TACC2: variants seen among roughly 807,000 people sequenced by gnomAD.
TACC2 encodes transforming acidic coiled-coil containing protein 2.
In TACC2, 137 loss-of-function variants were observed where a neutral mutation model predicts 227.3. That is an observed-to-expected ratio of 0.60 (90% CI 0.52 to 0.69). The LOEUF is 0.69. Ranked by LOEUF, TACC2 falls within the 30% of genes least tolerant of loss-of-function variation. The pLI is 0.00. For synonymous variants in TACC2, 1,523 were observed against 1,487.5 expected (o/e 1.02, Z -0.55); for missense variants, 3,470 against 3,694.4 (o/e 0.94, Z 1.57).
intron 3 of TACC2, among the ~76,000 whole-genome samples, chr10:122,058,832 C>G (rs2076472210): frequency 6.6e-6 from 1 of 151,700 alleles, no homozygotes; most frequent in Admixed American, 6.6e-5. Context: ...ACATTAAACA[C>G]TGGGACATCT....
At chr10:122,156,505 T>C (rs2092488535) in intron 7 of TACC2, among the ~76,000 whole-genome samples, 1 of 152,204 alleles carries the variant, frequency 6.6e-6, no homozygotes, top group Non-Finnish European at 1.5e-5. Flanking sequence ...ATTACAGGCA[T>C]GAGCCACCAT....
intron 2 of TACC2, among the ~76,000 whole-genome samples, chr10:122,047,497 A>C (rs1249823264): frequency 6.6e-6 from 1 of 152,082 alleles, no homozygotes; most frequent in African/African-American, 2.4e-5. Context: ...CAGGGAGGTC[A>C]AGCCAACCCC....
chr10:122,123,000 C>T (rs192754908), intron 5 of TACC2, among the ~76,000 whole-genome samples: 67 of 152,210 alleles, frequency 4.4e-4, no homozygotes, highest in African/African-American at 1.5e-3. Flanking sequence ...AGAGGTTGGC[C>T]TCTCTGGTTT....
Position 122,084,398 on chromosome 10 carries a change from C to T in TACC2, c.1898C>T (p.Ala633Val). The change falls in exon 4 of 23, where the codon GCA (alanine) becomes GTA (valine). Residue 633 changes from alanine (A) to valine (V), a missense_variant. Physicochemically the swap from Ala to Val is moderately conservative, Grantham distance 64 (BLOSUM62 0). Coordinates refer to ENST00000369005, the MANE Select transcript of TACC2 (RefSeq NM_206862.4). ...ESRDHPSSHS[A>V]QPPRKGGAGH... ...AGAGACCATCCCAGCTCACACTCAG[C>T]ACAGCCACCCAGAAAGGGGGGTGCT... 1 of 1,613,146 alleles carries T rather than the reference C, an allele frequency of 6.2e-7. No individual in the cohort carries two copies. Among genetic ancestry groups the T allele is most frequent in the Non-Finnish European group, 8.5e-7 (1 of 1,180,022 alleles).
Position 122,205,897 on chromosome 10 carries a change from A to G in TACC2, c.5972-4500A>G, listed in dbSNP as rs2095088494. 6.6e-6 allele frequency among the ~76,000 whole-genome samples: 1 copy of G among 152,132 alleles called. No individual in the cohort carries two copies. Among genetic ancestry groups the G allele is most frequent in the South Asian group, 2.1e-4 (1 of 4,824 alleles). ...TCTCGTTAGCCTACTTAAAATGGAC[A>G]CCTTTTCCCAGAATAAATATTACTA... On this transcript the variant is annotated intron_variant, in intron 8 of 22. Transcript: ENST00000369005. The surrounding 1 kb of genome is among the most constrained non-coding windows in gnomAD (Gnocchi z 4.5).
intron 1 of TACC2, among the ~76,000 whole-genome samples, chr10:122,002,515 C>A (rs1035211550): frequency 6.6e-6 from 1 of 152,040 alleles, no homozygotes; most frequent in Non-Finnish European, 1.5e-5. Flanking sequence ...TGTTCTTCTG[C>A]CTTTAAAATG....
intron 7 of TACC2, among the ~76,000 whole-genome samples, chr10:122,144,697 C>T (rs962752749): frequency 1.3e-5 from 2 of 152,104 alleles, no homozygotes; most frequent in Non-Finnish European, 2.9e-5. Context: ...TCTAGAATAC[C>T]GGGTAACAGT....
intron 5 of TACC2, among the ~76,000 whole-genome samples, chr10:122,131,882 C>A (rs1394515644): frequency 1.3e-5 from 2 of 151,810 alleles, no homozygotes; most frequent in Non-Finnish European, 2.9e-5. Flanking sequence ...ATTAGCCAGG[C>A]GTGGTGGTGG....
chr10:122,179,623 A>AC (rs11376408), intron 7 of TACC2, among the ~76,000 whole-genome samples: 1,984 of 151,994 alleles, frequency 0.013, 45 homozygotes, highest in African/African-American at 0.045. Context: ...TGCTGTTGTT[A>AC]CAGCTGTCAG....
chr10:122,171,948 T>C (rs1046924948), intron 7 of TACC2, among the ~76,000 whole-genome samples: 10 of 152,190 alleles, frequency 6.6e-5, no homozygotes, highest in South Asian at 2.1e-4. Flanking sequence ...TAGAGGTCAG[T>C]TCCAAGGAAG....
chr10:122,052,833 A>T (rs2075853473), intron 3 of TACC2: 1 of 152,240 alleles, frequency 6.6e-6, no homozygotes, highest in South Asian at 2.1e-4. Context: ...TCTATCGAGA[A>T]GGAACAGGCC....
chr10:122,086,664 A>C lies in TACC2; in HGVS notation c.4164A>C (p.Thr1388=). 6.2e-7 allele frequency: 1 copy of C among 1,611,802 alleles called. No homozygotes were observed. The highest frequency in any genetic ancestry group is 8.5e-7 in the Non-Finnish European group (1 of 1,178,876). The change falls in exon 4 of 23, where the codon ACA becomes ACC. Residue 1388 remains threonine, a synonymous_variant. Transcript: ENST00000369005. The part of the protein sequence containing the change: ...GEPSQDPKQG[T]SGGVDTSSEQ... ...CTTCCCAGGACCCAAAGCAGGGCACATCAGGTGGTGTGGACACAAGCTCTG... is the reference window on the plus strand; with the variant it reads ...CTTCCCAGGACCCAAAGCAGGGCACCTCAGGTGGTGTGGACACAAGCTCTG...
At chr10:122,026,313 CA>C (rs71022883) in intron 2 of TACC2, among the ~76,000 whole-genome samples, 15,974 of 70,414 alleles carry the variant, frequency 0.23, 724 homozygotes, top group Admixed American at 0.34. Flanking sequence ...GACTCTGTCT[CA>C]AAAAAAAAAA....
intron 10 of TACC2, 71 bp downstream of exon 10, chr10:122,215,522 G>T: frequency 2.2e-6 from 3 of 1,334,788 alleles, no homozygotes; most frequent in Non-Finnish European, 3.2e-6. Context: ...TGTTGACAAA[G>T]CTTTGCTTTC....
intron 8 of TACC2, among the ~76,000 whole-genome samples, chr10:122,201,934 T>C (rs1285898089): frequency 3.3e-5 from 5 of 152,044 alleles, no homozygotes; most frequent in Admixed American, 3.3e-4. Context: ...CTGCTTTTTA[T>C]GACTCTGCGC....
chr10:122,199,742 A>G (rs540658892), intron 8 of TACC2, among the ~76,000 whole-genome samples: 52 of 152,326 alleles, frequency 3.4e-4, no homozygotes, highest in African/African-American at 1.0e-3. Flanking sequence ...ACCTGTTAGC[A>G]ACAGAAATGT....
intron 19 of TACC2, among the ~76,000 whole-genome samples, chr10:122,243,556 A>G (rs1015334167): frequency 7.9e-5 from 12 of 152,224 alleles, no homozygotes; most frequent in African/African-American, 2.4e-4. Context: ...CATGCTTCCT[A>G]TCAAAGTGAA....
At position 122,189,419 on chromosome 10, in the gene TACC2, A is replaced by G. The variant is rs574664066; in HGVS notation, c.5835-5621A>G. On this transcript the variant is annotated intron_variant, in intron 7 of 22. Coordinates refer to ENST00000369005, the MANE Select transcript of TACC2 (RefSeq NM_206862.4). ...GATGGCAGCTGCTCTTTCAGCCTGGACAATGCTGGCTGGCTTTCCCCGACC... is the reference window on the plus strand; with the variant it reads ...GATGGCAGCTGCTCTTTCAGCCTGGGCAATGCTGGCTGGCTTTCCCCGACC... Among the ~76,000 whole-genome samples the G allele has an allele frequency of 3.6e-3, 545 of 152,248 alleles. 1 individual carries two copies. Among genetic ancestry groups the G allele is most frequent in the Non-Finnish European group, 5.2e-3 (356 of 68,018 alleles).
At chr10:122,233,202 C>T (rs182164341) in intron 16 of TACC2, among the ~76,000 whole-genome samples, 175 of 152,256 alleles carry the variant, frequency 1.1e-3, no homozygotes, top group Non-Finnish European at 5.6e-4. Context: ...TCTGGTCAAA[C>T]GGAATTTGGT....
Sources: allele counts gnomAD v4.1 joint callset (sites outside exome capture counted in the v4.1 genomes callset), GRCh38; gene constraint gnomAD v4.1.1; non-coding constraint Gnocchi (gnomAD v3.1); transcripts MANE v1.5; gene names NCBI Gene and HGNC (gene_info 2026-07-23, HGNC 2026-07-21).